Variants in SIK3 observed in about 807,000 individuals in gnomAD.
SIK3 encodes the protein serine/threonine-protein kinase SIK3.
Under a neutral mutation model 144.2 loss-of-function variants are expected in SIK3, and 28 were observed. That is an observed-to-expected ratio of 0.19 (90% CI 0.14 to 0.27). The LOEUF is 0.27. Ranked by LOEUF, SIK3 falls within the 10% of genes least tolerant of loss-of-function variation. The pLI is 1.00. For synonymous variants in SIK3, 686 were observed against 676.3 expected, an observed-to-expected ratio of 1.01 and a Z score of -0.22; for missense variants, 1,319 against 1,776.0, an observed-to-expected ratio of 0.74 and a Z score of 4.62.
chr11:116,858,377 G>A lies in SIK3; in HGVS notation c.3088C>T (p.His1030Tyr). The A allele has an allele frequency of 1.9e-6, 3 of 1,613,764 alleles. No homozygotes were observed. Among genetic ancestry groups the A allele is most frequent in the Non-Finnish European group, 2.5e-6 (3 of 1,179,836 alleles). Residue 1030 changes from histidine (H) to tyrosine (Y), a missense_variant, in exon 21 of 25, where the codon CAC becomes TAC. Coordinates refer to ENST00000445177, the MANE Select transcript of SIK3 (RefSeq NM_001366686.3). This position sits in a 1 kb window ranked among gnomAD's most constrained non-coding sequence, Gnocchi z 5.4. ...GTTGGGGGCAGCCGGATGTCCGAGT[G>A]GCCGGTGAGCGAATGCCGGGGAGAA... is the stretch of plus-strand genomic sequence containing the variant. ...LLSPRHSLTG[H>Y]SDIRLPPTEF...
At chr11:116,904,714 A>T (rs1226773013) in intron 4 of SIK3, 1 of 152,198 alleles carries the variant, frequency 6.6e-6, no homozygotes, top group African/African-American at 2.4e-5. Flanking sequence ...ATAAAATGTT[A>T]TTCTTTTTTC....
In SIK3 at chr11:116,867,716, A is replaced by G. The variant is rs1943721546; in HGVS notation, c.1952+230T>C. Reference sequence around the variant, plus strand: ...CATGGGAATCAAATGCAGACAATAAACAGGTCTGCAAGGTAATGGGAGAGA... The same window carrying G: ...CATGGGAATCAAATGCAGACAATAAGCAGGTCTGCAAGGTAATGGGAGAGA... On this transcript the variant is annotated intron_variant, in intron 15 of 24. Coordinates refer to ENST00000445177, the MANE Select transcript of SIK3 (RefSeq NM_001366686.3). This position sits in a 1 kb window ranked among gnomAD's most constrained non-coding sequence, Gnocchi z 4.1. 2.0e-5 allele frequency: 8 copies of G among 395,656 alleles called. No homozygotes were observed. Among genetic ancestry groups the G allele is most frequent in the Middle Eastern group, 6.5e-4 (1 of 1,550 alleles). The allele number at this position is 395,656 out of a possible 1,614,324, so 24.5% of individuals were successfully genotyped here.
At chr11:116,908,526 C>CA (rs913873278) in intron 4 of SIK3, among the ~76,000 whole-genome samples, 8 of 151,276 alleles carry the variant, frequency 5.3e-5, no homozygotes, top group South Asian at 2.1e-4. Flanking sequence ...AACAAACAAA[C>CA]AAAAAAAACA....
chr11:116,888,553 T>C (rs1341818600), intron 6 of SIK3, among the ~76,000 whole-genome samples: 1 of 152,242 alleles, frequency 6.6e-6, no homozygotes. Context: ...CTTATCCTTT[T>C]GAAGTATTCT....
chr11:116,987,179 A>T (rs1950351952), intron 1 of SIK3, among the ~76,000 whole-genome samples: 1 of 152,112 alleles, frequency 6.6e-6, no homozygotes, highest in Non-Finnish European at 1.5e-5. Flanking sequence ...CTCCAATATG[A>T]CCCCTCACCA....
rs372850585 is a variant in SIK3, at chr11:116,942,428, A to G, written c.454+11616T>C. The stretch of plus-strand genomic sequence containing the variant: ...AGATTTGGTAGGAAACAAAAATGAC[A>G]AAGTCTTTAATGGCACGTAAATTTT... On this transcript the variant is annotated intron_variant, in intron 3 of 24. Coordinates refer to ENST00000445177, the MANE Select transcript of SIK3 (RefSeq NM_001366686.3). Among the ~76,000 whole-genome samples, 23 of 152,360 alleles carry G rather than the reference A, an allele frequency of 1.5e-4. No homozygotes were observed. In the South Asian group the frequency reaches 4.6e-3, roughly 30 times the overall value.
intron 6 of SIK3, among the ~76,000 whole-genome samples, chr11:116,894,885 C>G (rs186711846): frequency 1.8e-3 from 280 of 152,326 alleles, no homozygotes; most frequent in Non-Finnish European, 3.2e-3. Context: ...ACTGGTGTCC[C>G]TCCTTCAGCC....
intron 1 of SIK3, among the ~76,000 whole-genome samples, chr11:117,011,998 A>G (rs971375166): frequency 6.6e-6 from 1 of 152,108 alleles, no homozygotes. Context: ...TTTTATTTTC[A>G]GAAACAGGAT....
intron 3 of SIK3, among the ~76,000 whole-genome samples, chr11:116,937,595 A>T (rs1283330359): frequency 1.3e-5 from 2 of 152,180 alleles, no homozygotes; most frequent in Non-Finnish European, 2.9e-5. Context: ...ATTATTTGTA[A>T]TACTACTGGT....
chr11:117,019,787 T>C (rs1008424655), intron 1 of SIK3, among the ~76,000 whole-genome samples: 10 of 152,060 alleles, frequency 6.6e-5, no homozygotes, highest in African/African-American at 2.2e-4. Context: ...CTAATTTTTG[T>C]ATTTTTTAGT....
At position 116,897,421 on chromosome 11, in the gene SIK3, T is replaced by C. The variant is rs913329251; in HGVS notation, c.617-104A>G. ...AAGATTCCAAATCATTGTCTGAATA[T>C]TAAATGCAAAAAGAGAACATTTAGA... On this transcript the variant is annotated intron_variant, in intron 4 of 24. Transcript: ENST00000445177. The C allele has an allele frequency of 1.1e-5, 11 of 1,047,080 alleles. No homozygotes were observed. The Admixed American group carries it at 1.3e-4, about 13-fold the overall frequency. The allele number at this position is 1,047,080 out of a possible 1,614,324, so 64.9% of individuals were successfully genotyped here.
At chr11:116,966,940 G>A (rs1349046543) in intron 1 of SIK3, among the ~76,000 whole-genome samples, 6 of 146,828 alleles carry the variant, frequency 4.1e-5, no homozygotes, top group African/African-American at 1.5e-4. Context: ...GGAAGGTGGA[G>A]GTTGCAGTGA....
intron 1 of SIK3, among the ~76,000 whole-genome samples, chr11:117,070,605 C>T (rs370204551): frequency 1.2e-4 from 18 of 152,102 alleles, no homozygotes; most frequent in Non-Finnish European, 2.1e-4. Context: ...CGCCATCACA[C>T]GAGCTAATTT....
Position 116,849,425 on chromosome 11 carries a change from C to A in SIK3, c.3656-142G>T. 1.9e-6 allele frequency: 2 copies of A among 1,060,142 alleles called. No individual in the cohort carries two copies. Among genetic ancestry groups the A allele is most frequent in the East Asian group, 2.6e-5 (1 of 37,818 alleles). The allele number at this position is 1,060,142 out of a possible 1,614,324, so 65.7% of individuals were successfully genotyped here. On this transcript the variant is annotated intron_variant, in intron 21 of 24. Transcript: ENST00000445177. The surrounding 1 kb of genome is among the most constrained non-coding windows in gnomAD (Gnocchi z 4.2). ...CCAACCGCTGATCCTCAGCCGGCGT[C>A]ATGGCTTAGAGGAGCCTGGACCAGC...
intron 1 of SIK3, among the ~76,000 whole-genome samples, chr11:117,035,383 T>A (rs949725678): frequency 1.3e-5 from 2 of 152,322 alleles, no homozygotes; most frequent in East Asian, 1.9e-4. Flanking sequence ...AATGATTCTA[T>A]CAATTCATTA....
Position 116,846,661 on chromosome 11 carries a change from C to G in SIK3, c.3953-108G>C. 7.8e-7 allele frequency: 1 copy of G among 1,280,938 alleles called. No homozygotes were observed. Among genetic ancestry groups the G allele is most frequent in the Non-Finnish European group, 1.1e-6 (1 of 913,240 alleles). 79.3% of individuals were successfully genotyped at this position (1,280,938 alleles called of 1,614,324 possible). A position where few individuals can be genotyped will look rare whatever the true frequency, so the allele number is the denominator to read the frequency against. On this transcript the variant is annotated intron_variant, in intron 23 of 24. Transcript: ENST00000445177. The surrounding 1 kb of genome is among the most constrained non-coding windows in gnomAD (Gnocchi z 4.1). ...GGCAACCTGTCGAGCATCCCACAGC[C>G]TGACTCCCAGCCCTGAATTCTAGCT...
chr11:116,991,956 G>A (rs1243034979), intron 1 of SIK3, among the ~76,000 whole-genome samples: 5 of 151,850 alleles, frequency 3.3e-5, no homozygotes, highest in African/African-American at 4.8e-5. Context: ...ACCCATACAC[G>A]TATATCACTA....
intron 4 of SIK3, among the ~76,000 whole-genome samples, chr11:116,906,083 T>C (rs1946014899): frequency 6.6e-6 from 1 of 152,186 alleles, no homozygotes; most frequent in African/African-American, 2.4e-5. Context: ...AATAAGGAGT[T>C]GCTAGGACTT....
intron 1 of SIK3, among the ~76,000 whole-genome samples, chr11:117,001,107 C>T (rs949651701): frequency 6.6e-6 from 1 of 152,222 alleles, no homozygotes; most frequent in African/African-American, 2.4e-5. Flanking sequence ...GTGGGTGGGG[C>T]GATAGCACGG....
Sources: gnomAD v4.1 joint callset for allele counts (sites outside exome capture counted in the v4.1 genomes callset) on GRCh38, gnomAD v4.1.1 for gene constraint, Gnocchi (gnomAD v3.1) non-coding constraint, MANE v1.5 for transcripts, NCBI Gene and HGNC (gene_info 2026-07-23, HGNC 2026-07-21) for gene names.